Variants in MCF2 observed in about 807,000 individuals in gnomAD.
The protein encoded by MCF2 is MCF.2 cell line derived transforming sequence.
A neutral mutation model predicts 82.5 loss-of-function variants in MCF2; 44 were observed. The observed-to-expected ratio is 0.53, with a 90% CI of 0.42 to 0.69. The LOEUF (loss-of-function observed/expected upper bound fraction) is 0.69, where lower values mean the gene tolerates loss of function less well. MCF2 is among the 30% of genes least tolerant of loss of function. The probability of loss-of-function intolerance (pLI) is 0.00; values close to 1 mark genes in which losing one functional copy is unlikely to be tolerated. For missense variants in MCF2, 623 were observed against 663.1 expected, an observed-to-expected ratio of 0.94 and a Z score of 0.66; for synonymous variants, 217 against 224.9, an observed-to-expected ratio of 0.96 and a Z score of 0.32.
chrX:139,587,841 CT>C, intron 21 of MCF2, 53 bp from the exon 26 acceptor site: 6 of 734,819 alleles, frequency 8.2e-6, no homozygotes, highest in Middle Eastern at 3.4e-4. Context: ...TTCTTACTTC[CT>C]TGAAGGCCAA....
intron 1 of MCF2, among the ~76,000 whole-genome samples, chrX:139,638,787 A>T (rs763487039): frequency 8.9e-6 from 1 of 111,973 alleles, no homozygotes; most frequent in Non-Finnish European, 1.9e-5. Context: ...AATATCAATA[A>T]TATGGACACG....
At chrX:139,656,731 C>T (rs1293351163) in intron 1 of MCF2, among the ~76,000 whole-genome samples, 2 of 112,147 alleles carry the variant, frequency 1.8e-5, no homozygotes, top group Non-Finnish European at 3.8e-5. Flanking sequence ...TTACACCCAG[C>T]TTTGTAGCTG....
intron 6 of MCF2, among the ~76,000 whole-genome samples, chrX:139,620,221 G>A (rs1226515884): frequency 2.7e-5 from 3 of 109,652 alleles, no homozygotes; most frequent in Non-Finnish European, 5.7e-5. Context: ...GCTCCTCAAG[G>A]AAATAACTGA....
At chrX:139,626,336 T>C (rs1317287577) in intron 5 of MCF2, 29 bp from the exon 9 acceptor site, 1 of 872,228 alleles carries the variant, frequency 1.1e-6, no homozygotes, top group Admixed American at 2.5e-5. Context: ...AATAAATTCC[T>C]AAAAGCAACT....
intron 1 of MCF2, among the ~76,000 whole-genome samples, chrX:139,664,617 C>G (rs757432421): frequency 8.9e-6 from 1 of 112,485 alleles, no homozygotes; most frequent in Non-Finnish European, 1.9e-5. Context: ...CTCCCAGAGG[C>G]AAGGCCTGGA....
At chrX:139,639,435 A>T (rs1314346615) in intron 1 of MCF2, among the ~76,000 whole-genome samples, 3 of 111,449 alleles carry the variant, frequency 2.7e-5, no homozygotes, top group Non-Finnish European at 5.6e-5. Context: ...ATCACATAGG[A>T]CTCGGAGCCA....
intron 19 of MCF2, among the ~76,000 whole-genome samples, chrX:139,591,010 T>C (rs1025321327): frequency 6.3e-5 from 7 of 111,630 alleles, no homozygotes; most frequent in Non-Finnish European, 1.1e-4. Flanking sequence ...TGCTCAAATA[T>C]CACAATTTAA....
chrX:139,687,409 A>C (rs1935152431), intron 1 of MCF2, among the ~76,000 whole-genome samples: 1 of 113,382 alleles, frequency 8.8e-6, no homozygotes, highest in Admixed American at 9.3e-5. Flanking sequence ...ACGTCGAAGC[A>C]ACAGAAAGAG....
At chrX:139,699,795 G>A (rs1441160006) in intron 1 of MCF2, among the ~76,000 whole-genome samples, 1 of 111,892 alleles carries the variant, frequency 8.9e-6, no homozygotes, top group Non-Finnish European at 1.9e-5. Flanking sequence ...TTGAAACCCT[G>A]ATATTTTAAA....
chrX:139,659,817 G>T (rs992956657), intron 1 of MCF2, among the ~76,000 whole-genome samples: 1 of 112,113 alleles, frequency 8.9e-6, no homozygotes, highest in African/African-American at 3.2e-5. Flanking sequence ...TAAACTCATT[G>T]CCACCACCAA....
chrX:139,700,302 C>G (rs947532094), intron 1 of MCF2, among the ~76,000 whole-genome samples: 1 of 111,222 alleles, frequency 9.0e-6, no homozygotes, highest in Non-Finnish European at 1.9e-5. Flanking sequence ...AGGAGCCTAC[C>G]CCTCCTGTGA....
At chrX:139,596,134 T>A (rs3117076) in intron 19 of MCF2, among the ~76,000 whole-genome samples, 3,285 of 111,033 alleles carry the variant, frequency 0.03, 112 homozygotes, top group African/African-American at 0.1. Flanking sequence ...TAAATTGCAT[T>A]GAGGAAAAGG....
At chrX:139,693,216 TA>T (rs1304180049) in intron 1 of MCF2, among the ~76,000 whole-genome samples, 3 of 110,769 alleles carry the variant, frequency 2.7e-5, no homozygotes, top group African/African-American at 9.9e-5. Context: ...TGTTAGCATT[TA>T]AAAAAAATGT....
chrX:139,687,249 T>C (rs779954719), intron 1 of MCF2, among the ~76,000 whole-genome samples: 2 of 112,586 alleles, frequency 1.8e-5, no homozygotes, highest in East Asian at 5.6e-4. Context: ...TTTTGCTCAA[T>C]GGCATCTTCC....
intron 1 of MCF2, among the ~76,000 whole-genome samples, chrX:139,638,898 G>T (rs1484554227): frequency 9.0e-6 from 1 of 111,400 alleles, no homozygotes; most frequent in Non-Finnish European, 1.9e-5. Flanking sequence ...TAGTTTGTAT[G>T]TATCTATGTT....
chrX:139,621,824 G>T (rs750275378), intron 6 of MCF2, among the ~76,000 whole-genome samples: 33 of 111,381 alleles, frequency 3.0e-4, no homozygotes, highest in African/African-American at 1.1e-3. Context: ...CATGGGCAAG[G>T]ACTTCATGTC....
Position 139,659,596 on chromosome X carries a change from A to G in MCF2, c.-44-7808T>C, listed in dbSNP as rs187404439. On this transcript the variant is annotated intron_variant, in intron 1 of 27. Transcript: ENST00000414978. ...ACCTCTCTGGGGTTTCTATTCATAT[A>G]CAATAGAAAAATATGAGTTCTGAAC... Among the ~76,000 whole-genome samples, 4 of 111,938 alleles carry G rather than the reference A, an allele frequency of 3.6e-5. No homozygotes were observed. In the Admixed American group the frequency reaches 3.8e-4, roughly 11 times the overall value.
intron 1 of MCF2, among the ~76,000 whole-genome samples, chrX:139,660,082 C>T (rs1370779789): frequency 8.9e-6 from 1 of 111,815 alleles, no homozygotes; most frequent in Admixed American, 9.5e-5. Flanking sequence ...ATTTGAAAGA[C>T]TCATACTGAA....
At chrX:139,636,786 G>A (rs749958737) in intron 1 of MCF2, among the ~76,000 whole-genome samples, 1 of 111,720 alleles carries the variant, frequency 9.0e-6, no homozygotes, top group South Asian at 3.8e-4. Flanking sequence ...AGGGGTAGGG[G>A]TATTCAGCTG....
Sources: gnomAD v4.1 joint callset for allele counts (sites outside exome capture counted in the v4.1 genomes callset) on GRCh38, gnomAD v4.1.1 for gene constraint, MANE v1.5 for transcripts, NCBI Gene and HGNC (gene_info 2026-07-23, HGNC 2026-07-21) for gene names.